CTNND2: variants seen among roughly 807,000 people sequenced by gnomAD.
The protein encoded by CTNND2 is catenin delta 2.
In CTNND2, 22 loss-of-function variants were observed where a neutral mutation model predicts 144.4. The observed-to-expected ratio is 0.15, with a 90% CI of 0.11 to 0.22. The LOEUF is 0.22. Among genes scored for constraint, CTNND2 ranks in the 10% least tolerant of loss-of-function variants. The pLI is 1.00. For synonymous variants in CTNND2, 751 were observed against 695.6 expected (o/e 1.08, Z -1.25); for missense variants, 1,353 against 1,618.8 (o/e 0.84, Z 2.82).
intron 9 of CTNND2, among the ~76,000 whole-genome samples, chr5:11,285,027 C>T (rs1747582624): frequency 6.6e-6 from 1 of 152,204 alleles, no homozygotes; most frequent in African/African-American, 2.4e-5. Flanking sequence ...AATCTTGACT[C>T]TGTCCTTGCT....
At chr5:11,306,015 TAA>T (rs1437615365) in intron 9 of CTNND2, among the ~76,000 whole-genome samples, 1 of 152,204 alleles carries the variant, frequency 6.6e-6, no homozygotes, top group Non-Finnish European at 1.5e-5. Context: ...TCCCAGGTCT[TAA>T]GAGAGTTTTT....
chr5:11,526,545 T>C (rs965675140), intron 3 of CTNND2, among the ~76,000 whole-genome samples: 2 of 152,148 alleles, frequency 1.3e-5, no homozygotes, highest in African/African-American at 4.8e-5. Flanking sequence ...GTGCCTTCGG[T>C]AGAATCACGC....
At chr5:11,376,487 A>C (rs974804773) in intron 7 of CTNND2, among the ~76,000 whole-genome samples, 2 of 152,134 alleles carry the variant, frequency 1.3e-5, no homozygotes, top group East Asian at 3.9e-4. Flanking sequence ...AGAAAGAAAA[A>C]TCCAGTGACA....
intron 2 of CTNND2, among the ~76,000 whole-genome samples, chr5:11,598,172 T>C (rs1455688983): frequency 2.0e-5 from 3 of 152,196 alleles, no homozygotes; most frequent in Non-Finnish European, 4.4e-5. Context: ...AAAATCATGT[T>C]TGTGTTCTTA....
intron 16 of CTNND2, among the ~76,000 whole-genome samples, chr5:11,052,297 A>G (rs1745921959): frequency 6.6e-6 from 1 of 152,066 alleles, no homozygotes; most frequent in Non-Finnish European, 1.5e-5. Context: ...AAAACTATGT[A>G]CCCTCCTAAA....
intron 9 of CTNND2, among the ~76,000 whole-genome samples, chr5:11,241,602 T>A (rs1742457792): frequency 6.6e-6 from 1 of 152,218 alleles, no homozygotes; most frequent in Non-Finnish European, 1.5e-5. Flanking sequence ...ACAAAATAGA[T>A]GCTAAAAGAG....
intron 8 of CTNND2, among the ~76,000 whole-genome samples, chr5:11,354,920 T>G (rs529783062): frequency 1.6e-4 from 24 of 152,280 alleles, no homozygotes; most frequent in Admixed American, 3.9e-4. Flanking sequence ...AAAATGCTAT[T>G]GAATTAGAAA....
At chr5:11,836,934 C>A (rs538575327) in intron 1 of CTNND2, among the ~76,000 whole-genome samples, 2 of 152,104 alleles carry the variant, frequency 1.3e-5, no homozygotes, top group Admixed American at 1.3e-4. Context: ...AAGCTCCAAG[C>A]GGGGCCGCTC....
Position 11,385,036 on chromosome 5 carries a change from A to T in CTNND2, c.806T>A (p.Leu269Gln). The T allele has an allele frequency of 8.4e-7, 1 of 1,189,530 alleles. No individual in the cohort carries two copies. 73.7% of individuals were successfully genotyped at this position (1,189,530 alleles called of 1,614,324 possible). A position where few individuals can be genotyped will look rare whatever the true frequency, so the allele number is the denominator to read the frequency against. Residue 269 changes from leucine to glutamine, a missense_variant, in exon 7 of 22, where the codon CTG becomes CAG. Transcript: ENST00000304623. ...LPAPPRGGSP[L>Q]AAPQGGSPTK... ...GGGCGAACCGCCCTGGGGCGCGGCC[A>T]GCGGGGAGCCCCCGCGCGGCGGCGC...
At chr5:11,577,162 C>T (rs931843152) in intron 2 of CTNND2, among the ~76,000 whole-genome samples, 1 of 152,234 alleles carries the variant, frequency 6.6e-6, no homozygotes, top group Admixed American at 6.5e-5. Context: ...ATCTTCTCAT[C>T]GAAATCTCTG....
Position 11,274,593 on chromosome 5 carries a change from T to TAA in CTNND2, c.1629-37772_1629-37771dup, listed in dbSNP as rs1342034631. ...ATTTTGCTTTCGTTTTTTTTTTTTT[T>TAA]AAAAAGGCAACACCAAAACACAAAA... On this transcript the variant is annotated intron_variant, in intron 9 of 21. Transcript: ENST00000304623. Among the ~76,000 whole-genome samples the TAA allele has an allele frequency of 2.4e-4, 36 of 150,590 alleles. No homozygotes were observed. In the East Asian group the frequency reaches 2.5e-3, roughly 11 times the overall value.
Position 11,585,503 on chromosome 5 carries a change from T to TCTAC in CTNND2, c.175-20448_175-20447insGTAG, listed in dbSNP as rs1360289926. Among the ~76,000 whole-genome samples, 637 of 151,790 alleles carry TCTAC rather than the reference T, an allele frequency of 4.2e-3. 7 individuals are homozygous for TCTAC. Among genetic ancestry groups the TCTAC allele is most frequent in the African/African-American group, 0.015 (608 of 41,358 alleles). ...CTATGTATATCTATCTATCTATCTA[T>TCTAC]CTATCTATCTATCTATCTATATCAG... is the stretch of plus-strand genomic sequence containing the variant. On this transcript the variant is annotated intron_variant, in intron 2 of 21. Coordinates refer to ENST00000304623, the MANE Select transcript of CTNND2 (RefSeq NM_001332.4).
intron 2 of CTNND2, among the ~76,000 whole-genome samples, chr5:11,662,135 A>G (rs1241268878): frequency 2.2e-5 from 3 of 134,220 alleles, no homozygotes; most frequent in African/African-American, 6.3e-5. Flanking sequence ...ATATACATAT[A>G]TGTATATATA....
intron 9 of CTNND2, among the ~76,000 whole-genome samples, chr5:11,295,303 C>G (rs945586451): frequency 3.3e-4 from 51 of 152,244 alleles, no homozygotes; most frequent in South Asian, 8.3e-4. Context: ...TCAAGGAGAA[C>G]TACAAACCAC....
intron 9 of CTNND2, among the ~76,000 whole-genome samples, chr5:11,343,819 G>A (rs1489182098): frequency 6.6e-6 from 1 of 152,080 alleles, no homozygotes; most frequent in Non-Finnish European, 1.5e-5. Context: ...TGTTTATAAT[G>A]ATAAAGAGGC....
intron 1 of CTNND2, among the ~76,000 whole-genome samples, chr5:11,843,191 A>G (rs7733427): frequency 0.47 from 71,648 of 152,156 alleles, 21,208 homozygotes; most frequent in Middle Eastern, 0.68. Context: ...GGCAATAAAA[A>G]TAAAACAAGA....
chr5:11,389,620 G>C (rs1759444575), intron 6 of CTNND2, among the ~76,000 whole-genome samples: 1 of 152,054 alleles, frequency 6.6e-6, no homozygotes, highest in South Asian at 2.1e-4. Context: ...ATTGAAATGG[G>C]AAGTTAGGGA....
At chr5:11,514,097 G>A (rs544591198) in intron 3 of CTNND2, among the ~76,000 whole-genome samples, 340 of 1,520 alleles carry the variant, frequency 0.22, 2 homozygotes, top group African/African-American at 0.44. Flanking sequence ...GAGAGGGGAG[G>A]ACGCTTGAGC....
intron 11 of CTNND2, among the ~76,000 whole-genome samples, chr5:11,197,007 C>G (rs923799824): frequency 2.2e-4 from 33 of 152,128 alleles, no homozygotes; most frequent in Admixed American, 6.5e-5. Context: ...GTTTCCAGGC[C>G]CCCTCAGGTT....
Sources: allele counts gnomAD v4.1 joint callset (sites outside exome capture counted in the v4.1 genomes callset), GRCh38; gene constraint gnomAD v4.1.1; transcripts MANE v1.5; gene names NCBI Gene and HGNC (gene_info 2026-07-23, HGNC 2026-07-21).